CEP76: variants seen among roughly 807,000 people sequenced by gnomAD.
CEP76 encodes centrosomal protein of 76 kDa.
CEP76 carries 55 observed loss-of-function variants against 83.3 expected under a neutral mutation model. The observed-to-expected ratio is 0.66, with a 90% CI of 0.53 to 0.83. The LOEUF is 0.83. CEP76 is among the 40% of genes least tolerant of loss of function. CEP76 has a pLI of 0.00. For missense variants in CEP76, 694 were observed against 799.5 expected (o/e 0.87, Z 1.59); for synonymous variants, 270 against 274.5 (o/e 0.98, Z 0.16).
intron 8 of CEP76, chr18:12,685,823 G>C (rs1439915586): frequency 6.5e-6 from 1 of 152,762 alleles, no homozygotes; most frequent in Non-Finnish European, 1.5e-5. Flanking sequence ...GTAGAGATAG[G>C]GTTTCACCAT....
chr18:12,663,717 A>G (rs1344662485), intron 12 of CEP76, among the ~76,000 whole-genome samples: 1 of 152,198 alleles, frequency 6.6e-6, no homozygotes. Context: ...CTGATGAGAC[A>G]ATGCAAAAAT....
At chr18:12,678,873 T>C (rs1008669417) in intron 9 of CEP76, among the ~76,000 whole-genome samples, 5 of 152,052 alleles carry the variant, frequency 3.3e-5, no homozygotes, top group African/African-American at 9.7e-5. Context: ...GGAGAATTGC[T>C]TGAACCCGGG....
Position 12,674,812 on chromosome 18 carries a change from TA to T in CEP76, c.1624-60del. ...ATACATTAATATTTTTAAAACCAAC[TA>T]AATAAAAATGTTGATTATTTTAATG... On this transcript the variant is annotated intron_variant, in intron 10 of 11. Transcript: ENST00000262127. 5 of 1,060,714 alleles carry T rather than the reference TA, an allele frequency of 4.7e-6. No individual in the cohort carries two copies. In the South Asian group the frequency reaches 6.6e-5, roughly 14 times the overall value. The allele number at this position is 1,060,714 out of a possible 1,614,324, so 65.7% of individuals were successfully genotyped here. A position where few individuals can be genotyped will look rare whatever the true frequency, so the allele number is the denominator to read the frequency against.
chr18:12,698,950 T>C, intron 4 of CEP76, 29 bp downstream of exon 4: 1 of 1,444,344 alleles, frequency 6.9e-7, no homozygotes, highest in South Asian at 1.2e-5. Context: ...ATTTACTCAA[T>C]TAAATGACAA....
intron 10 of CEP76, among the ~76,000 whole-genome samples, chr18:12,675,762 A>G (rs1408734718): frequency 2.6e-5 from 4 of 151,510 alleles, no homozygotes; most frequent in African/African-American, 9.7e-5. Flanking sequence ...TCTGCCTCCC[A>G]GGTTCAAGCG....
intron 1 of CEP76, among the ~76,000 whole-genome samples, chr18:12,701,408 A>C (rs1316908025): frequency 6.6e-6 from 1 of 152,208 alleles, no homozygotes; most frequent in African/African-American, 2.4e-5. Flanking sequence ...AGGCAGATCA[A>C]AGTATGATCT....
chr18:12,680,621 A>AT (rs749895184), intron 9 of CEP76, 41 bp downstream of exon 9: 3 of 1,301,642 alleles, frequency 2.3e-6, no homozygotes. Context: ...AAAAAAACTT[A>AT]TAACTTCATT....
rs1327563614 is a variant in CEP76 at position 12,690,283 on chromosome 18, A to G, written c.933+1076T>C. 2.0e-5 allele frequency among the ~76,000 whole-genome samples: 3 copies of G among 152,204 alleles called. No homozygotes were observed. In the East Asian group the frequency reaches 5.8e-4, roughly 29 times the overall value. On this transcript the variant is annotated intron_variant, in intron 7 of 11. Transcript: ENST00000262127. ...CTAAACCACTTTTAGCCTGTTCCAA[A>G]ATCTAGGGAAAGTAGGGTAAAGCTG...
At chr18:12,700,931 C>T (rs200630604) in intron 2 of CEP76, 27 bp downstream of exon 2, 4 of 1,585,222 alleles carry the variant, frequency 2.5e-6, no homozygotes, top group African/African-American at 2.7e-5. Flanking sequence ...TATATACTCT[C>T]ATTTATTTCC....
chr18:12,697,490 AAAT>A (rs2039997378), intron 4 of CEP76, 82 bp from the exon 5 acceptor site: 1 of 945,246 alleles, frequency 1.1e-6, no homozygotes, highest in Non-Finnish European at 1.5e-6. Flanking sequence ...ATTAAACAGT[AAAT>A]AATAAGCTTA....
chr18:12,679,814 G>A (rs2039280717), intron 9 of CEP76, among the ~76,000 whole-genome samples: 1 of 152,040 alleles, frequency 6.6e-6, no homozygotes, highest in African/African-American at 2.4e-5. Context: ...TATAATCTCA[G>A]CACTTTGGAA....
At chr18:12,684,863 ATTAGT>A (rs1401692062) in intron 8 of CEP76, 3 of 152,190 alleles carry the variant, frequency 2.0e-5, no homozygotes, top group African/African-American at 4.8e-5. Context: ...AATCTATAAA[ATTAGT>A]TTACTAAAAT....
At chr18:12,681,079 G>A (rs1044206411) in intron 8 of CEP76, among the ~76,000 whole-genome samples, 1 of 151,608 alleles carries the variant, frequency 6.6e-6, no homozygotes, top group African/African-American at 2.4e-5. Context: ...CACACCATTA[G>A]TCCCAGCTAC....
At position 12,699,924 on chromosome 18, in the gene CEP76, AAAATC is replaced by A; in HGVS notation, c.220-24_220-20del. 6.6e-7 allele frequency: 1 copy of A among 1,515,350 alleles called. No individual in the cohort carries two copies. Among genetic ancestry groups the A allele is most frequent in the Non-Finnish European group, 8.9e-7 (1 of 1,117,596 alleles). 93.9% of individuals were successfully genotyped at this position (1,515,350 alleles called of 1,614,324 possible). ...CACTGTCCTAGAAAGGCAGGAAAAA[AAAATC>A]AAAACAAATTAGAAAACAATTATAG... On this transcript the variant is annotated intron_variant, in intron 2 of 11. Transcript: ENST00000262127.
intron 7 of CEP76, among the ~76,000 whole-genome samples, chr18:12,690,275 T>C (rs998957816): frequency 2.6e-5 from 4 of 152,202 alleles, no homozygotes; most frequent in African/African-American, 7.2e-5. Flanking sequence ...ACTTTTAGCC[T>C]GTTCCAAAAT....
At chr18:12,668,769 T>C (rs28820339), downstream of CEP76, among the ~76,000 whole-genome samples, 45,689 of 126,310 alleles carry the variant, frequency 0.36, 9,104 homozygotes, top group Non-Finnish European at 0.44. Context: ...GACAGAGTCT[T>C]GCTCTGTCAC....
At chr18:12,686,089 TA>T in intron 8 of CEP76, 172 bp downstream of exon 8, 1 of 500,772 alleles carries the variant, frequency 2.0e-6, no homozygotes, top group Non-Finnish European at 3.5e-6. Context: ...TGTAATTTTT[TA>T]CTTTTGTAAG....
Position 12,700,972 on chromosome 18 carries a change from GTTCT to G in CEP76, c.201_204del (p.Lys67AsnfsTer29), listed in dbSNP as rs1568035435. ...AGATTACTCACAGTAACAAAATTAA[GTTCT>G]TTCATCACATCGTCAATGATTCCTC... On this transcript the variant is annotated frameshift_variant, in exon 2 of 12. Transcript: ENST00000262127. LOFTEE classifies it high-confidence loss of function. 6.2e-7 allele frequency: 1 copy of G among 1,612,892 alleles called. No homozygotes were observed.
intron 9 of CEP76, chr18:12,679,282 C>T (rs1372427823): frequency 6.6e-6 from 1 of 152,196 alleles, no homozygotes; most frequent in African/African-American, 2.4e-5. Context: ...AGCCTGTGCA[C>T]TGGGAGGAGT....
Sources: gnomAD v4.1 joint callset for allele counts (sites outside exome capture counted in the v4.1 genomes callset) on GRCh38, gnomAD v4.1.1 for gene constraint, MANE v1.5 for transcripts, NCBI Gene and HGNC (gene_info 2026-07-23, HGNC 2026-07-21) for gene names.